The following MARK1 variants were observed in gnomAD, a reference collection of about 807,000 sequenced individuals.
MARK1 encodes the protein microtubule affinity regulating kinase 1.
A neutral mutation model predicts 96.3 loss-of-function variants in MARK1; 40 were observed. The ratio of observed to expected loss-of-function variants is 0.42; its 90% CI spans 0.32 to 0.54. The LOEUF is 0.54. Ranked by LOEUF, MARK1 falls within the 20% of genes least tolerant of loss-of-function variation. MARK1 has a pLI of 0.16. For missense variants in MARK1, 719 were observed against 984.6 expected (o/e 0.73, Z 3.61); for synonymous variants, 317 against 341.2 (o/e 0.93, Z 0.78).
chr1:220,533,178 C>T (rs920491694), intron 1 of MARK1, among the ~76,000 whole-genome samples: 1 of 152,132 alleles, frequency 6.6e-6, no homozygotes, highest in Non-Finnish European at 1.5e-5. Flanking sequence ...TCCTTTATGG[C>T]TTGTCTCATT....
chr1:220,641,668 G>A (rs536876092), intron 13 of MARK1, among the ~76,000 whole-genome samples: 3 of 151,854 alleles, frequency 2.0e-5, no homozygotes, highest in Non-Finnish European at 2.9e-5. Flanking sequence ...ATCTCCCACC[G>A]AGAGGAACGC....
chr1:220,620,855 C>T (rs1331322582), intron 9 of MARK1, among the ~76,000 whole-genome samples: 1 of 152,036 alleles, frequency 6.6e-6, no homozygotes, highest in East Asian at 1.9e-4. Flanking sequence ...GGCTGATTTG[C>T]TTCACAGTTC....
At chr1:220,660,968 T>C (rs1669445819) in intron 17 of MARK1, among the ~76,000 whole-genome samples, 1 of 152,154 alleles carries the variant, frequency 6.6e-6, no homozygotes, top group Admixed American at 6.5e-5. Flanking sequence ...TAAAGCAGGC[T>C]AAGGGGGCTT....
At chr1:220,591,455 T>G (rs147316060) in intron 3 of MARK1, among the ~76,000 whole-genome samples, 5 of 152,322 alleles carry the variant, frequency 3.3e-5, no homozygotes, top group African/African-American at 1.2e-4. Context: ...TGTAATTTGA[T>G]GTACTTTGTC....
chr1:220,588,297 C>G (rs1664778806), intron 3 of MARK1, among the ~76,000 whole-genome samples: 1 of 152,108 alleles, frequency 6.6e-6, no homozygotes, highest in Admixed American at 6.6e-5. Flanking sequence ...GAAATTGGTA[C>G]TAGTTCATAA....
intron 13 of MARK1, among the ~76,000 whole-genome samples, chr1:220,636,315 C>T (rs1667964407): frequency 6.6e-6 from 1 of 152,052 alleles, no homozygotes; most frequent in Admixed American, 6.6e-5. Context: ...TGGCACATTT[C>T]ATTTTTATTT....
intron 1 of MARK1, among the ~76,000 whole-genome samples, chr1:220,535,142 T>C (rs1278874276): frequency 6.6e-6 from 1 of 152,140 alleles, no homozygotes; most frequent in Non-Finnish European, 1.5e-5. Flanking sequence ...CATATTGTTT[T>C]TCATAGCAGC....
intron 1 of MARK1, among the ~76,000 whole-genome samples, chr1:220,545,181 T>C (rs772220421): frequency 3.3e-5 from 5 of 152,172 alleles, no homozygotes; most frequent in African/African-American, 4.8e-5. Flanking sequence ...GGAAGGTGCA[T>C]TTGCACAAAG....
Position 220,661,958 on chromosome 1 carries a change from C to T in MARK1, c.2180C>T (p.Ala727Val), listed in dbSNP as rs1227874271. ...MMREIRKVLDANNCDYEQKER... is the reference protein window; with the variant it reads ...MMREIRKVLDVNNCDYEQKER... ...AGAGAAATCCGAAAAGTGTTAGATG[C>T]AAATAACTGTGATTATGAGCAAAAA... Residue 727 changes from alanine to valine, a missense_variant, in exon 18 of 18, where the codon GCA (alanine) becomes GTA (valine). This residue lies in a region of MARK1 where 501 missense variants were observed against 588.3 expected (regional missense o/e 0.85). Transcript: ENST00000366917. 6.2e-7 allele frequency: 1 copy of T among 1,614,138 alleles called. No individual in the cohort carries two copies.
chr1:220,568,466 C>T (rs370824715), intron 1 of MARK1, among the ~76,000 whole-genome samples: 2 of 152,132 alleles, frequency 1.3e-5, no homozygotes, highest in South Asian at 2.1e-4. Context: ...TGAGAAGGGG[C>T]ATAGTAGTAA....
chr1:220,583,814 ATTTTT>A (rs34848222), intron 3 of MARK1, among the ~76,000 whole-genome samples: 3 of 105,220 alleles, frequency 2.9e-5, no homozygotes, highest in East Asian at 3.0e-4. Flanking sequence ...TGCCTGGCTA[ATTTTT>A]TTTTTTTTTT....
At chr1:220,595,660 A>G (rs1237837735) in intron 3 of MARK1, among the ~76,000 whole-genome samples, 1 of 152,180 alleles carries the variant, frequency 6.6e-6, no homozygotes, top group African/African-American at 2.4e-5. Flanking sequence ...TAGTTCTAAT[A>G]GCATTGAGAA....
At chr1:220,540,733 A>C (rs1463014252) in intron 1 of MARK1, among the ~76,000 whole-genome samples, 2 of 146,158 alleles carry the variant, frequency 1.4e-5, no homozygotes, top group Non-Finnish European at 3.0e-5. Flanking sequence ...TTTTTTTCTT[A>C]GTCAAAGGTT....
chr1:220,596,041 G>A (rs925984250), intron 3 of MARK1, among the ~76,000 whole-genome samples: 1 of 152,160 alleles, frequency 6.6e-6, no homozygotes, highest in African/African-American at 2.4e-5. Flanking sequence ...CTGTGAGACA[G>A]CCAAGTGAAA....
intron 1 of MARK1, among the ~76,000 whole-genome samples, chr1:220,573,883 T>C (rs542879738): frequency 2.5e-3 from 382 of 152,186 alleles, no homozygotes; most frequent in Non-Finnish European, 4.2e-3. Context: ...ATATGTAGTA[T>C]ATTGTAGAAT....
chr1:220,587,584 G>A (rs1664727718), intron 3 of MARK1, among the ~76,000 whole-genome samples: 1 of 152,006 alleles, frequency 6.6e-6, no homozygotes, highest in South Asian at 2.1e-4. Context: ...TGGCCAGGCT[G>A]GTCTTGAACT....
chr1:220,635,332 T>A, intron 11 of MARK1, 44 bp from the exon 12 acceptor site: 1 of 1,501,454 alleles, frequency 6.7e-7, no homozygotes, highest in Non-Finnish European at 8.9e-7. Flanking sequence ...AACTTTTTTT[T>A]TTTTTTTTTT....
intron 3 of MARK1, among the ~76,000 whole-genome samples, chr1:220,583,814 A>ATT (rs34848222): frequency 0.014 from 1,463 of 105,272 alleles, 24 homozygotes; most frequent in Non-Finnish European, 0.019. Context: ...TGCCTGGCTA[A>ATT]TTTTTTTTTT....
chr1:220,640,935 A>G (rs548486124), intron 13 of MARK1, among the ~76,000 whole-genome samples: 1 of 152,306 alleles, frequency 6.6e-6, no homozygotes, highest in African/African-American at 2.4e-5. Context: ...GACACATTCA[A>G]ACTGTAGCAG....
Sources: gnomAD v4.1 joint callset for allele counts (sites outside exome capture counted in the v4.1 genomes callset) on GRCh38, gnomAD v4.1.1 for gene constraint, gnomAD v4.1.1 regional missense constraint, MANE v1.5 for transcripts, NCBI Gene and HGNC (gene_info 2026-07-23, HGNC 2026-07-21) for gene names.